Variants in CTNNA3 observed in about 807,000 individuals in gnomAD.
The protein encoded by CTNNA3 is catenin alpha 3, also known as catenin alpha-3.
In CTNNA3, 76 loss-of-function variants were observed where a neutral mutation model predicts 95.7. The observed-to-expected ratio is 0.79, with a 90% CI of 0.66 to 0.96. The LOEUF is 0.96. Ranked by LOEUF, CTNNA3 falls within the 40% of genes least tolerant of loss-of-function variation. The pLI is 0.00. For missense variants in CTNNA3, 1,191 were observed against 1,089.8 expected, an observed-to-expected ratio of 1.09 and a Z score of -1.31; for synonymous variants, 431 against 374.4, an observed-to-expected ratio of 1.15 and a Z score of -1.74.
At chr10:66,867,598 C>T (rs987936214) in intron 7 of CTNNA3, among the ~76,000 whole-genome samples, 2 of 152,068 alleles carry the variant, frequency 1.3e-5, no homozygotes, top group African/African-American at 2.4e-5. Flanking sequence ...CCTGACTCCT[C>T]GCCTCTATTT....
intron 13 of CTNNA3, among the ~76,000 whole-genome samples, chr10:66,159,294 T>C (rs1231397748): frequency 3.3e-5 from 5 of 152,104 alleles, no homozygotes; most frequent in Admixed American, 1.3e-4. Context: ...GGCTGTGAGT[T>C]TGTCATAGAT....
intron 16 of CTNNA3, among the ~76,000 whole-genome samples, chr10:65,969,938 T>C (rs543279345): frequency 2.6e-5 from 4 of 151,914 alleles, no homozygotes; most frequent in Admixed American, 6.6e-5. Flanking sequence ...AGAGATACTA[T>C]ACAAAAAGGA....
chr10:67,750,527 ACTTT>A, intron 1 of CTNNA3: 1 of 1,576,850 alleles, frequency 6.3e-7, no homozygotes, highest in East Asian at 2.2e-5. Context: ...GTTGTGGCCC[ACTTT>A]CTTTGAGAGA....
intron 7 of CTNNA3, chr10:66,926,895 C>T: frequency 6.5e-7 from 1 of 1,531,132 alleles, no homozygotes; most frequent in Non-Finnish European, 8.8e-7. Context: ...GGGGGGATAA[C>T]TTTTCTAAGT....
At chr10:66,103,307 A>G in intron 13 of CTNNA3, 58 bp from the exon 14 acceptor site, 2 of 1,362,876 alleles carry the variant, frequency 1.5e-6, no homozygotes, top group Non-Finnish European at 2.1e-6. Flanking sequence ...CTTCTTTGGA[A>G]AACAACGCGG....
chr10:66,057,522 T>A (rs1323555361), intron 15 of CTNNA3, among the ~76,000 whole-genome samples: 1 of 152,190 alleles, frequency 6.6e-6, no homozygotes, highest in African/African-American at 2.4e-5. Context: ...TACATTTTTA[T>A]CATGTAAAAG....
At chr10:66,673,923 T>G (rs756691678) in intron 9 of CTNNA3, among the ~76,000 whole-genome samples, 22 of 152,028 alleles carry the variant, frequency 1.4e-4, no homozygotes, top group Non-Finnish European at 3.1e-4. Context: ...AGGAAGTGTA[T>G]AGGTTTTTCT....
intron 3 of CTNNA3, among the ~76,000 whole-genome samples, chr10:67,561,268 C>T (rs1300823448): frequency 7.7e-6 from 1 of 130,268 alleles, no homozygotes; most frequent in African/African-American, 3.5e-5. Context: ...TGTAAAAGAA[C>T]AGAAATTATA....
intron 5 of CTNNA3, among the ~76,000 whole-genome samples, chr10:67,407,502 G>T (rs1845181245): frequency 6.6e-6 from 1 of 152,126 alleles, no homozygotes; most frequent in South Asian, 2.1e-4. Flanking sequence ...TTAAAAACTG[G>T]CACAAGACAA....
intron 11 of CTNNA3, among the ~76,000 whole-genome samples, chr10:66,408,541 C>A (rs2093075524): frequency 6.6e-6 from 1 of 152,072 alleles, no homozygotes; most frequent in South Asian, 2.1e-4. Flanking sequence ...TTTTAATGTT[C>A]CTTCTTCCAA....
intron 13 of CTNNA3, among the ~76,000 whole-genome samples, chr10:66,198,419 T>C (rs10509246): frequency 0.086 from 13,020 of 152,154 alleles, 621 homozygotes; most frequent in Admixed American, 0.12. Flanking sequence ...TTTGGTGAAT[T>C]GGTGTAGTCC....
chr10:66,767,759 G>C (rs926510407), intron 8 of CTNNA3, among the ~76,000 whole-genome samples: 1 of 152,078 alleles, frequency 6.6e-6, no homozygotes, highest in South Asian at 2.1e-4. Flanking sequence ...AATGATCATA[G>C]AATAATAAAT....
intron 2 of CTNNA3, among the ~76,000 whole-genome samples, chr10:67,608,212 C>A (rs986564996): frequency 9.9e-5 from 15 of 152,086 alleles, no homozygotes; most frequent in African/African-American, 3.6e-4. Context: ...CTGAAGCAAC[C>A]ACTGTTCTAT....
At chr10:66,828,404 A>G (rs896623596) in intron 7 of CTNNA3, among the ~76,000 whole-genome samples, 1 of 152,198 alleles carries the variant, frequency 6.6e-6, no homozygotes, top group Non-Finnish European at 1.5e-5. Context: ...TGCCCCTTGC[A>G]CTTACCTCCA....
intron 1 of CTNNA3, among the ~76,000 whole-genome samples, chr10:67,743,700 G>A (rs1005075804): frequency 1.3e-5 from 2 of 151,214 alleles, no homozygotes; most frequent in African/African-American, 4.8e-5. Context: ...TAGGAAAAGA[G>A]GAAGTTAAAT....
intron 5 of CTNNA3, among the ~76,000 whole-genome samples, chr10:67,315,088 C>G (rs1244901983): frequency 6.6e-6 from 1 of 152,196 alleles, no homozygotes; most frequent in Non-Finnish European, 1.5e-5. Context: ...CACACAGTGC[C>G]CAGTCCTCAG....
chr10:66,283,531 C>A (rs560370293), intron 12 of CTNNA3, among the ~76,000 whole-genome samples: 4 of 151,674 alleles, frequency 2.6e-5, no homozygotes, highest in Admixed American at 6.6e-5. Context: ...AGGAATCTTA[C>A]AAAAAAATAC....
chr10:66,658,532 T>C (rs1364631529), intron 9 of CTNNA3, among the ~76,000 whole-genome samples: 1 of 152,192 alleles, frequency 6.6e-6, no homozygotes, highest in Non-Finnish European at 1.5e-5. Flanking sequence ...TGTTCTGTGT[T>C]ATCACATAAT....
intron 7 of CTNNA3, among the ~76,000 whole-genome samples, chr10:67,058,092 G>C (rs576631233): frequency 6.6e-6 from 1 of 151,960 alleles, no homozygotes; most frequent in Non-Finnish European, 1.5e-5. Context: ...CTTGCATGCT[G>C]GTGTCTCTTC....
Sources: gnomAD v4.1 joint callset for allele counts (sites outside exome capture counted in the v4.1 genomes callset) on GRCh38, gnomAD v4.1.1 for gene constraint, MANE v1.5 for transcripts, NCBI Gene and HGNC (gene_info 2026-07-23, HGNC 2026-07-21) for gene names.